The following KCTD1 variants were observed in gnomAD, a reference collection of about 807,000 sequenced individuals.
KCTD1 encodes BTB/POZ domain-containing protein KCTD1.
Under a neutral mutation model 66.0 loss-of-function variants are expected in KCTD1, and 24 were observed. The ratio of observed to expected loss-of-function variants is 0.36; its 90% CI spans 0.26 to 0.51. The LOEUF is 0.51. KCTD1 is among the 20% of genes least tolerant of loss of function. The pLI is 0.95. For synonymous variants in KCTD1, 511 were observed against 517.2 expected (o/e 0.99, Z 0.16); for missense variants, 943 against 1,205.2 (o/e 0.78, Z 3.22).
chr18:26,551,369 C>T (rs911046209), upstream of KCTD1, among the ~76,000 whole-genome samples: 2 of 152,124 alleles, frequency 1.3e-5, no homozygotes, highest in Non-Finnish European at 2.9e-5. Flanking sequence ...GGAAAAGCAG[C>T]AGTTTTGGGT....
chr18:26,498,227 G>A (rs1453239971), intron 2 of KCTD1, among the ~76,000 whole-genome samples: 4 of 152,040 alleles, frequency 2.6e-5, no homozygotes, highest in African/African-American at 9.7e-5. Flanking sequence ...TATTTTTGCT[G>A]TTGCTCCTGT....
intron 1 of KCTD1, among the ~76,000 whole-genome samples, chr18:26,578,260 C>T (rs1986276877): frequency 6.6e-6 from 1 of 151,860 alleles, no homozygotes; most frequent in African/African-American, 2.4e-5. Flanking sequence ...ATATCAATGT[C>T]CTTCTATAAA....
intron 1 of KCTD1, among the ~76,000 whole-genome samples, chr18:26,507,931 A>G (rs1983129736): frequency 6.6e-6 from 1 of 152,190 alleles, no homozygotes; most frequent in Non-Finnish European, 1.5e-5. Context: ...AGTTGTATAC[A>G]TACGCACATG....
chr18:26,557,079 C>A (rs1985724090), intron 1 of KCTD1, among the ~76,000 whole-genome samples: 1 of 152,144 alleles, frequency 6.6e-6, no homozygotes, highest in Non-Finnish European at 1.5e-5. Flanking sequence ...TTTCAATAAG[C>A]CCAAAATGGT....
chr18:26,512,036 T>G (rs1983360423), intron 1 of KCTD1, among the ~76,000 whole-genome samples: 1 of 152,250 alleles, frequency 6.6e-6, no homozygotes, highest in Non-Finnish European at 1.5e-5. Context: ...TTGAAATTCC[T>G]CATTCAGCAG....
At chr18:26,517,611 C>T (rs1306597175) in intron 1 of KCTD1, among the ~76,000 whole-genome samples, 2 of 140,298 alleles carry the variant, frequency 1.4e-5, no homozygotes, top group Non-Finnish European at 3.0e-5. Context: ...GAGCTGAGAT[C>T]GTGCCATTGC....
At chr18:26,525,700 T>C (rs1249974717) in intron 1 of KCTD1, among the ~76,000 whole-genome samples, 1 of 152,206 alleles carries the variant, frequency 6.6e-6, no homozygotes, top group Admixed American at 6.5e-5. Context: ...TACTACTATA[T>C]AATATTTCCT....
intron 2 of KCTD1, 70 bp downstream of exon 2, chr18:26,501,002 C>T: frequency 6.5e-7 from 1 of 1,548,098 alleles, no homozygotes; most frequent in African/African-American, 1.4e-5. Flanking sequence ...CACTGCTATG[C>T]TGGTCAAAGG....
At chr18:26,501,552 C>T (rs917835866) in intron 1 of KCTD1, among the ~76,000 whole-genome samples, 1 of 152,154 alleles carries the variant, frequency 6.6e-6, no homozygotes, top group African/African-American at 2.4e-5. Flanking sequence ...TGACACATGG[C>T]AACTAGTATG....
chr18:26,557,438 A>G (rs1219789385), intron 1 of KCTD1, among the ~76,000 whole-genome samples: 1 of 152,176 alleles, frequency 6.6e-6, no homozygotes, highest in African/African-American at 2.4e-5. Context: ...TTGCTTTCCT[A>G]GAATTGTTAG....
chr18:26,484,250 G>T (rs1981800177), intron 2 of KCTD1, among the ~76,000 whole-genome samples: 1 of 152,128 alleles, frequency 6.6e-6, no homozygotes. Context: ...ATGGATAGAA[G>T]TAATTTAAGA....
intron 1 of KCTD1, among the ~76,000 whole-genome samples, chr18:26,613,715 T>C (rs1987187212): frequency 6.6e-6 from 1 of 152,240 alleles, no homozygotes; most frequent in Non-Finnish European, 1.5e-5. Flanking sequence ...AAAGCAAGCA[T>C]TTTTGTCCTA....
At chr18:26,637,043 C>T (rs1373388379) in intron 1 of KCTD1, among the ~76,000 whole-genome samples, 6 of 152,230 alleles carry the variant, frequency 3.9e-5, no homozygotes, top group South Asian at 2.1e-4. Context: ...TGCCATGACT[C>T]GCTCCCTCCA....
intron 1 of KCTD1, among the ~76,000 whole-genome samples, chr18:26,618,535 C>T (rs1310355140): frequency 6.6e-6 from 1 of 152,138 alleles, no homozygotes; most frequent in Non-Finnish European, 1.5e-5. Flanking sequence ...TTCTCAGACA[C>T]CCAGATCCTG....
chr18:26,539,697 C>T (rs1984883198), intron 1 of KCTD1, among the ~76,000 whole-genome samples: 1 of 152,142 alleles, frequency 6.6e-6, no homozygotes, highest in African/African-American at 2.4e-5. Context: ...TCTAACAGTC[C>T]ACTCACTGAC....
rs566678804 is a variant in KCTD1, at chr18:26,490,932, T to A, written c.1988+10140A>T. Among the ~76,000 whole-genome samples, 7 of 152,178 alleles carry A rather than the reference T, an allele frequency of 4.6e-5. No homozygotes were observed. The South Asian group carries it at 1.5e-3, about 32-fold the overall frequency. The stretch of plus-strand genomic sequence containing the variant: ...CATGCCCAGCTAATTTTTGTATTTT[T>A]AGTAGAGATGGAGTTTCACCAGGTT... On this transcript the variant is annotated intron_variant, in intron 2 of 4. Transcript: ENST00000580059.
At chr18:26,633,643 T>C (rs1987666311), upstream of KCTD1, among the ~76,000 whole-genome samples, 1 of 152,126 alleles carries the variant, frequency 6.6e-6, no homozygotes, top group South Asian at 2.1e-4. Context: ...ACTTATATCA[T>C]ATAGAAAGAG....
chr18:26,470,720 T>G (rs918062471), intron 3 of KCTD1, among the ~76,000 whole-genome samples: 1 of 152,002 alleles, frequency 6.6e-6, no homozygotes, highest in African/African-American at 2.4e-5. Flanking sequence ...GCACAGTGAG[T>G]GATAGATGCA....
At chr18:26,457,154 A>AAATT (rs1980134795) in intron 4 of KCTD1, 1 of 151,862 alleles carries the variant, frequency 6.6e-6, no homozygotes, top group Non-Finnish European at 1.5e-5. Flanking sequence ...AAGTGCTGGC[A>AAATT]AATTAAAAAA....
Sources: gnomAD v4.1 joint callset for allele counts (sites outside exome capture counted in the v4.1 genomes callset) on GRCh38, gnomAD v4.1.1 for gene constraint, MANE v1.5 for transcripts, NCBI Gene and HGNC (gene_info 2026-07-23, HGNC 2026-07-21) for gene names.